Variants in PTPRK observed in about 807,000 individuals in gnomAD.
The protein encoded by PTPRK is protein tyrosine phosphatase receptor type K, also known as receptor-type tyrosine-protein phosphatase kappa.
In PTPRK, 75 loss-of-function variants were observed where a neutral mutation model predicts 178.0. The observed-to-expected ratio is 0.42, with a 90% confidence interval of 0.35 to 0.51. PTPRK has a LOEUF of 0.51. Ranked by LOEUF, PTPRK falls within the 20% of genes least tolerant of loss-of-function variation. The pLI, the probability that PTPRK is intolerant of heterozygous loss-of-function variation, is 0.02. For missense variants in PTPRK, 1,441 were observed against 1,797.8 expected (o/e 0.80, Z 3.59); for synonymous variants, 637 against 620.6 (o/e 1.03, Z -0.39).
chr6:128,448,677 A>C (rs187750996), intron 1 of PTPRK, among the ~76,000 whole-genome samples: 279 of 152,290 alleles, frequency 1.8e-3, no homozygotes, highest in Non-Finnish European at 3.4e-3. Context: ...ACAAGAAATT[A>C]TGAATACCAT....
intron 7 of PTPRK, among the ~76,000 whole-genome samples, chr6:128,114,084 T>C (rs1050130515): frequency 2.4e-4 from 37 of 152,112 alleles, no homozygotes; most frequent in African/African-American, 8.9e-4. Flanking sequence ...AGGAGTTGAT[T>C]ACTTAGAGGT....
chr6:128,026,107 G>C (rs1774243177), intron 13 of PTPRK, among the ~76,000 whole-genome samples: 1 of 152,192 alleles, frequency 6.6e-6, no homozygotes, highest in African/African-American at 2.4e-5. Flanking sequence ...AACAGTAAGA[G>C]AGAGAGGCCT....
At chr6:128,170,829 A>G (rs925863081) in intron 7 of PTPRK, among the ~76,000 whole-genome samples, 2 of 151,996 alleles carry the variant, frequency 1.3e-5, no homozygotes, top group Non-Finnish European at 2.9e-5. Flanking sequence ...TTGACAGATT[A>G]TGAATGACTT....
chr6:128,386,635 A>G (rs1396713260), intron 2 of PTPRK, among the ~76,000 whole-genome samples: 1 of 152,222 alleles, frequency 6.6e-6, no homozygotes, highest in African/African-American at 2.4e-5. Flanking sequence ...GCTACTGAAA[A>G]CACAATTCTA....
At position 127,982,863 on chromosome 6, in the gene PTPRK, T is replaced by A; in HGVS notation, c.3505A>T (p.Thr1169Ser). Residue 1169 changes from threonine (T) to serine (S), a missense_variant, in exon 24 of 30, where the codon ACT (threonine) becomes TCT (serine). Thr to Ser is a moderately conservative substitution (Grantham distance 58). Coordinates refer to ENST00000368226, the MANE Select transcript of PTPRK (RefSeq NM_002844.4). Reference sequence around the variant, plus strand: ...TCATCCTTGAGATGTGAAGAGTTAGTCTGGGAGTCTATTCTAATCATATCA... The same window carrying A: ...TCATCCTTGAGATGTGAAGAGTTAGACTGGGAGTCTATTCTAATCATATCA... ...YFDMIRIDSQ[T>S]NSSHLKDEFQ... 1 of 1,611,990 alleles carries A rather than the reference T, an allele frequency of 6.2e-7. No homozygotes were observed. Among genetic ancestry groups the A allele is most frequent in the Non-Finnish European group, 8.5e-7 (1 of 1,178,752 alleles).
At chr6:128,093,806 G>A (rs1349042177) in intron 7 of PTPRK, among the ~76,000 whole-genome samples, 1 of 151,504 alleles carries the variant, frequency 6.6e-6, no homozygotes, top group South Asian at 2.1e-4. Context: ...ATTCCAGAAG[G>A]TACTAAAGTG....
chr6:128,238,547 C>T (rs1029431344), intron 5 of PTPRK, among the ~76,000 whole-genome samples: 4 of 152,150 alleles, frequency 2.6e-5, no homozygotes, highest in African/African-American at 7.2e-5. Context: ...GACTATATAG[C>T]TCACAACTAA....
At chr6:128,254,174 T>C (rs565610899) in intron 3 of PTPRK, among the ~76,000 whole-genome samples, 2 of 152,276 alleles carry the variant, frequency 1.3e-5, no homozygotes, top group African/African-American at 2.4e-5. Context: ...GAGTAACTAG[T>C]TTGTGTACTC....
intron 3 of PTPRK, among the ~76,000 whole-genome samples, chr6:128,251,616 G>A (rs937394052): frequency 4.6e-5 from 7 of 152,138 alleles, no homozygotes; most frequent in Admixed American, 2.0e-4. Flanking sequence ...CATAGTTACA[G>A]CATCTGCCAC....
intron 3 of PTPRK, among the ~76,000 whole-genome samples, chr6:128,310,157 G>T (rs371933445): frequency 2.0e-5 from 3 of 152,298 alleles, no homozygotes; most frequent in African/African-American, 4.8e-5. Flanking sequence ...GAAGTAGATT[G>T]TGCCTTCTTT....
intron 7 of PTPRK, among the ~76,000 whole-genome samples, chr6:128,093,887 T>A (rs991570817): frequency 2.6e-5 from 4 of 151,776 alleles, no homozygotes; most frequent in African/African-American, 9.7e-5. Flanking sequence ...AGAAAAAAAA[T>A]AAACAATATA....
chr6:128,321,642 T>A, intron 3 of PTPRK: 1 of 593,186 alleles, frequency 1.7e-6, no homozygotes, highest in Non-Finnish European at 2.9e-6. Flanking sequence ...AGTAAATCAG[T>A]CCAGTCTGAA....
rs1299473849 is a variant in PTPRK, at chr6:128,021,700, A to C, written c.2195-12432T>G. On this transcript the variant is annotated intron_variant, in intron 13 of 29. Coordinates refer to ENST00000368226, the MANE Select transcript of PTPRK (RefSeq NM_002844.4). Reference sequence around the variant, plus strand: ...AGCCTTTTCCAGCCCTCAATCCCCCAAGGGACTTCGGAATTTCTCTGCACT... The same window carrying C: ...AGCCTTTTCCAGCCCTCAATCCCCCCAGGGACTTCGGAATTTCTCTGCACT... Among the ~76,000 whole-genome samples, 4 of 152,264 alleles carry C rather than the reference A, an allele frequency of 2.6e-5. No homozygotes were observed. In the East Asian group the frequency reaches 7.7e-4, roughly 29 times the overall value.
At chr6:128,382,487 A>C (rs1311458902) in intron 2 of PTPRK, among the ~76,000 whole-genome samples, 1 of 149,140 alleles carries the variant, frequency 6.7e-6, no homozygotes, top group Non-Finnish European at 1.5e-5. Flanking sequence ...GGCTAACTGC[A>C]ATCTCTGCCT....
intron 7 of PTPRK, among the ~76,000 whole-genome samples, chr6:128,125,556 T>A (rs1793197569): frequency 6.6e-6 from 1 of 151,916 alleles, no homozygotes; most frequent in Admixed American, 6.6e-5. Flanking sequence ...GAGTGTTTCT[T>A]TATAGCAATG....
At chr6:128,235,852 T>C (rs1813155851) in intron 5 of PTPRK, among the ~76,000 whole-genome samples, 1 of 152,176 alleles carries the variant, frequency 6.6e-6, no homozygotes, top group Admixed American at 6.5e-5. Context: ...CCTATGTCAT[T>C]CACCTCACTT....
chr6:128,463,552 A>G (rs1243019730), intron 1 of PTPRK, among the ~76,000 whole-genome samples: 1 of 152,146 alleles, frequency 6.6e-6, no homozygotes, highest in Non-Finnish European at 1.5e-5. Flanking sequence ...ATTTAGCTCT[A>G]TAACATTGAT....
At chr6:128,457,271 C>A (rs889664924) in intron 1 of PTPRK, among the ~76,000 whole-genome samples, 1 of 152,102 alleles carries the variant, frequency 6.6e-6, no homozygotes, top group African/African-American at 2.4e-5. Context: ...TCAAAGTATA[C>A]AAACAGGAAG....
chr6:128,292,572 C>T (rs1823566096), intron 3 of PTPRK, among the ~76,000 whole-genome samples: 1 of 151,966 alleles, frequency 6.6e-6, no homozygotes, highest in Non-Finnish European at 1.5e-5. Flanking sequence ...AGAAATATAA[C>T]TCCCAGAACA....
Sources: allele counts gnomAD v4.1 joint callset (sites outside exome capture counted in the v4.1 genomes callset), GRCh38; gene constraint gnomAD v4.1.1; transcripts MANE v1.5; gene names NCBI Gene and HGNC (gene_info 2026-07-23, HGNC 2026-07-21).